GRM5: variants seen among roughly 807,000 people sequenced by gnomAD.
GRM5 encodes the protein glutamate metabotropic receptor 5, also known as metabotropic glutamate receptor 5.
A neutral mutation model predicts 83.1 loss-of-function variants in GRM5; 19 were observed. The observed-to-expected ratio is 0.23, with a 90% CI of 0.16 to 0.34. The LOEUF (loss-of-function observed/expected upper bound fraction) is 0.34. Among genes scored for constraint, GRM5 ranks in the 10% least tolerant of loss-of-function variants. The pLI, the probability that GRM5 is intolerant of heterozygous loss-of-function variation, is 1.00. For missense variants in GRM5, 1,160 were observed against 1,588.3 expected (o/e 0.73, Z 4.58); for synonymous variants, 675 against 633.6 (o/e 1.07, Z -0.98).
In GRM5 at chr11:89,048,125, T is replaced by TG. The variant is rs1941682692; in HGVS notation, c.-200-54dup. Reference sequence around the variant, plus strand: ...TTAACAAACATAAATGCAACTAGTTTGGGGAAGTTCTATAATCCATGTTAG... The same window carrying TG: ...TTAACAAACATAAATGCAACTAGTTTGGGGGAAGTTCTATAATCCATGTTAG... On this transcript the variant is annotated intron_variant, in intron 1 of 9. Coordinates refer to ENST00000305447, the MANE Select transcript of GRM5 (RefSeq NM_001143831.3). 5 of 440,768 alleles carry TG rather than the reference T, an allele frequency of 1.1e-5. No individual in the cohort carries two copies. The East Asian group carries it at 1.9e-4, about 17-fold the overall frequency. The allele number at this position is 440,768 out of a possible 1,614,324, so 27.3% of individuals were successfully genotyped here. A position where few individuals can be genotyped will look rare whatever the true frequency, so the allele number is the denominator to read the frequency against.
chr11:88,684,154 G>T (rs72956761), intron 3 of GRM5, among the ~76,000 whole-genome samples: 6,669 of 152,250 alleles, frequency 0.044, 155 homozygotes, highest in Middle Eastern at 0.075. Context: ...AGAACATTGC[G>T]GCTGGAGCAT....
chr11:88,722,353 G>C (rs768888534), intron 3 of GRM5, among the ~76,000 whole-genome samples: 1 of 152,128 alleles, frequency 6.6e-6, no homozygotes, highest in Admixed American at 6.6e-5. Context: ...GGAATCTGCT[G>C]AGCTTTCTGA....
intron 3 of GRM5, among the ~76,000 whole-genome samples, chr11:88,701,947 T>TTTTG (rs1941045743): frequency 6.6e-6 from 1 of 152,078 alleles, no homozygotes; most frequent in Non-Finnish European, 1.5e-5. Context: ...AAAGAGTGTC[T>TTTTG]TTTGTTAGTC....
intron 7 of GRM5, among the ~76,000 whole-genome samples, chr11:88,581,447 A>C (rs1277302936): frequency 6.6e-6 from 1 of 152,224 alleles, no homozygotes; most frequent in African/African-American, 2.4e-5. Flanking sequence ...GTGAATTTGA[A>C]CATGGGCATG....
intron 3 of GRM5, among the ~76,000 whole-genome samples, chr11:88,759,115 C>T (rs1252287462): frequency 6.6e-6 from 1 of 152,086 alleles, no homozygotes; most frequent in Non-Finnish European, 1.5e-5. Flanking sequence ...CATTACCATC[C>T]ACTACAAAAA....
At chr11:89,023,177 A>T (rs1338421399) in intron 2 of GRM5, among the ~76,000 whole-genome samples, 1 of 151,738 alleles carries the variant, frequency 6.6e-6, no homozygotes, top group Non-Finnish European at 1.5e-5. Flanking sequence ...GCGCGCGTGC[A>T]CATGTGCGTT....
At chr11:88,997,333 T>TAAA (rs371168643) in intron 2 of GRM5, among the ~76,000 whole-genome samples, 20 of 119,900 alleles carry the variant, frequency 1.7e-4, no homozygotes, top group Admixed American at 7.7e-4. Flanking sequence ...GTCTCAAAAT[T>TAAA]AAAAAAAAAA....
At chr11:88,831,340 T>A (rs1943990125) in intron 3 of GRM5, among the ~76,000 whole-genome samples, 1 of 152,204 alleles carries the variant, frequency 6.6e-6, no homozygotes, top group African/African-American at 2.4e-5. Context: ...GCTATCTCAC[T>A]TGTAGCCACC....
At chr11:89,056,194 G>A (rs1194064321) in intron 1 of GRM5, among the ~76,000 whole-genome samples, 1 of 152,128 alleles carries the variant, frequency 6.6e-6, no homozygotes, top group Non-Finnish European at 1.5e-5. Flanking sequence ...TGGCATAAAT[G>A]TTTCTCCTGG....
chr11:88,546,132 A>G (rs1942381735), intron 8 of GRM5, among the ~76,000 whole-genome samples: 1 of 151,874 alleles, frequency 6.6e-6, no homozygotes, highest in Non-Finnish European at 1.5e-5. Context: ...TTCTCGCTTC[A>G]TTCTTCCTTC....
intron 4 of GRM5, among the ~76,000 whole-genome samples, chr11:88,647,582 C>T (rs1380042947): frequency 6.6e-6 from 1 of 152,080 alleles, no homozygotes; most frequent in Non-Finnish European, 1.5e-5. Context: ...CCATTCAGGA[C>T]ATAGGCATGG....
chr11:89,010,281 T>C (rs1202959741), intron 2 of GRM5, among the ~76,000 whole-genome samples: 1 of 152,186 alleles, frequency 6.6e-6, no homozygotes, highest in Non-Finnish European at 1.5e-5. Context: ...TTGAGATCTT[T>C]TGGATTCCAA....
chr11:88,863,941 C>G, intron 2 of GRM5, among the ~76,000 whole-genome samples: 1 of 151,498 alleles, frequency 6.6e-6, no homozygotes, highest in East Asian at 1.9e-4. Context: ...ACTGACTTAA[C>G]TGGCTATAAT....
In GRM5 at chr11:88,993,219, T is replaced by C. The variant is rs181428881; in HGVS notation, c.661+53993A>G. 7.7e-3 allele frequency among the ~76,000 whole-genome samples: 1,127 copies of C among 146,212 alleles called. 10 individuals are homozygous for C. The highest frequency in any genetic ancestry group is 0.02 in the African/African-American group (813 of 39,768). Reference sequence around the variant, plus strand: ...AGGCAGAGCTTGCAGTGAGCCGAGATTGTGCCACTGCACTCCAGCCTGGAG... The same window carrying C: ...AGGCAGAGCTTGCAGTGAGCCGAGACTGTGCCACTGCACTCCAGCCTGGAG... On this transcript the variant is annotated intron_variant, in intron 2 of 9. Transcript: ENST00000305447.
At chr11:89,056,599 G>A (rs1363726384) in intron 1 of GRM5, among the ~76,000 whole-genome samples, 1 of 152,002 alleles carries the variant, frequency 6.6e-6, no homozygotes, top group Non-Finnish European at 1.5e-5. Flanking sequence ...ATTTTCTTTA[G>A]GTTATAGCTT....
intron 3 of GRM5, among the ~76,000 whole-genome samples, chr11:88,699,097 A>C (rs149275365): frequency 0.016 from 112 of 6,864 alleles, no homozygotes; most frequent in Admixed American, 0.033. Flanking sequence ...ACAAAACAAA[A>C]AACAAAACAA....
rs559186346 is a variant in GRM5 at position 88,821,398 on chromosome 11, T to TAGG, written c.911+28505_911+28507dup. On this transcript the variant is annotated intron_variant, in intron 3 of 9. Coordinates refer to ENST00000305447, the MANE Select transcript of GRM5 (RefSeq NM_001143831.3). ...AAAAAAAAAAGCAGGGGGCATAAAGTAGGAGGAGGAAGGGTCATAGTTCCA... is the reference window on the plus strand; with the variant it reads ...AAAAAAAAAAGCAGGGGGCATAAAGTAGGAGGAGGAGGAAGGGTCATAGTTCCA... Among the ~76,000 whole-genome samples the TAGG allele has an allele frequency of 3.0e-3, 420 of 138,092 alleles. 1 individual carries two copies. The highest frequency in any genetic ancestry group is 0.011 in the African/African-American group (402 of 36,670). The allele number at this position is 138,092 out of a possible 152,430, so 90.6% of individuals were successfully genotyped here.
chr11:88,807,669 CTG>C lies in GRM5; in HGVS notation c.911+42235_911+42236del, dbSNP rs567331721. 5.3e-5 allele frequency among the ~76,000 whole-genome samples: 8 copies of C among 152,140 alleles called. No individual in the cohort carries two copies. The South Asian group carries it at 1.7e-3, about 32-fold the overall frequency. ...TTGGTAATCAGTCTGTTAAGCAAGTCTGTCACCAAAAGAGAGATCTGATATTC... is the reference window on the plus strand; with the variant it reads ...TTGGTAATCAGTCTGTTAAGCAAGTCTCACCAAAAGAGAGATCTGATATTC... On this transcript the variant is annotated intron_variant, in intron 3 of 9. Transcript: ENST00000305447.
chr11:88,895,504 C>T (rs1256502158), intron 2 of GRM5, among the ~76,000 whole-genome samples: 1 of 151,704 alleles, frequency 6.6e-6, no homozygotes, highest in Non-Finnish European at 1.5e-5. Context: ...AAAAATTTTG[C>T]ACAATCAACG....
Sources: allele counts gnomAD v4.1 joint callset (sites outside exome capture counted in the v4.1 genomes callset), GRCh38; gene constraint gnomAD v4.1.1; transcripts MANE v1.5; gene names NCBI Gene and HGNC (gene_info 2026-07-23, HGNC 2026-07-21).